PPA1: variants seen among roughly 807,000 people sequenced by gnomAD.
PPA1 encodes the protein inorganic pyrophosphatase 1.
PPA1 carries 23 observed loss-of-function variants against 41.8 expected under a neutral mutation model. That is an observed-to-expected ratio of 0.55 (90% CI 0.40 to 0.78). PPA1 has a LOEUF of 0.78. Among genes scored for constraint, PPA1 ranks in the 30% least tolerant of loss-of-function variants. PPA1 has a pLI of 0.00. For missense variants in PPA1, 320 were observed against 361.6 expected, an observed-to-expected ratio of 0.89 and a Z score of 0.93; for synonymous variants, 101 against 116.8, an observed-to-expected ratio of 0.86 and a Z score of 0.87.
chr10:70,230,721 A>T (rs146015200), intron 1 of PPA1, among the ~76,000 whole-genome samples: 1 of 152,144 alleles, frequency 6.6e-6, no homozygotes, highest in South Asian at 2.1e-4. Context: ...TGCCCACCTC[A>T]GCCTCCCAAA....
chr10:70,214,496 T>C lies in PPA1; in HGVS notation c.384+4A>G. The C allele has an allele frequency of 6.2e-7, 1 of 1,609,208 alleles. No individual in the cohort carries two copies. Among genetic ancestry groups the C allele is most frequent in the Non-Finnish European group, 8.5e-7 (1 of 1,177,090 alleles). On this transcript the variant is annotated splice_donor_region_variant and intron_variant, in intron 5 of 10. Coordinates refer to ENST00000373232, the MANE Select transcript of PPA1 (RefSeq NM_021129.4). ...CTAAAGAAAAAAATGTCACATTTCA[T>C]TACCTTGCTTCCAATTTCACACACA...
intron 2 of PPA1, among the ~76,000 whole-genome samples, chr10:70,228,610 T>G (rs1392240432): frequency 6.6e-6 from 1 of 152,068 alleles, no homozygotes; most frequent in African/African-American, 2.4e-5. Context: ...TCCCAGGAAA[T>G]CAGATGTAAC....
chr10:70,218,268 G>C (rs1490281582), intron 3 of PPA1, among the ~76,000 whole-genome samples: 1 of 152,078 alleles, frequency 6.6e-6, no homozygotes, highest in African/African-American at 2.4e-5. Flanking sequence ...TCCAATTTTA[G>C]TTTTCCTTCA....
chr10:70,232,984 C>T (rs1840305234), intron 1 of PPA1, among the ~76,000 whole-genome samples: 1 of 152,196 alleles, frequency 6.6e-6, no homozygotes, highest in Non-Finnish European at 1.5e-5. Context: ...CAGAGCCAGA[C>T]ACCTGCAAAA....
At chr10:70,224,118 T>C (rs991807269) in intron 2 of PPA1, among the ~76,000 whole-genome samples, 4 of 152,020 alleles carry the variant, frequency 2.6e-5, no homozygotes, top group African/African-American at 9.7e-5. Flanking sequence ...GAAATATAAC[T>C]GTCTATTTCA....
At chr10:70,224,991 A>T (rs951524942) in intron 2 of PPA1, among the ~76,000 whole-genome samples, 13 of 152,180 alleles carry the variant, frequency 8.5e-5, no homozygotes, top group African/African-American at 3.1e-4. Context: ...TTGGCCCCCC[A>T]AAGTGTTGGG....
chr10:70,210,098 C>A, intron 6 of PPA1: 1 of 262,250 alleles, frequency 3.8e-6, no homozygotes, highest in South Asian at 3.6e-5. Context: ...TTTTTTTTTT[C>A]AGAGACAAGG....
chr10:70,226,783 C>A (rs1480631877), intron 2 of PPA1, among the ~76,000 whole-genome samples: 6 of 152,056 alleles, frequency 3.9e-5, no homozygotes. Flanking sequence ...TGCATTTATG[C>A]CAAATTGCAG....
chr10:70,205,988 G>A lies in PPA1; in HGVS notation c.795+276C>T, dbSNP rs547218094. 7.9e-6 allele frequency: 3 copies of A among 381,720 alleles called. No homozygotes were observed. The East Asian group carries it at 1.3e-4, about 17-fold the overall frequency. 23.6% of individuals were successfully genotyped at this position (381,720 alleles called of 1,614,324 possible). ...CTTATGATGGGTCATAGGCACACAG[G>A]TTACTTGGTACATTCTGGAACCATT... On this transcript the variant is annotated intron_variant, in intron 9 of 10. Transcript: ENST00000373232.
chr10:70,218,716 T>G, intron 3 of PPA1, 48 bp downstream of exon 3: 1 of 1,462,176 alleles, frequency 6.8e-7, no homozygotes, highest in Non-Finnish European at 9.6e-7. Context: ...TGTGACTAGA[T>G]CAAAACCAAT....
Position 70,213,581 on chromosome 10 carries a change from T to G in PPA1, c.393A>C (p.Ala131=), listed in dbSNP as rs374646118. The change falls in exon 6 of 11, where the codon GCA becomes GCC. Residue 131 remains alanine, a synonymous_variant. Coordinates refer to ENST00000373232, the MANE Select transcript of PPA1 (RefSeq NM_021129.4). ...DVCEIGSKVC[A]RGEIIGVKVL... ...CTTTCACGCCAATTATTTCACCTCTTGCACATACCTGAGAGTCAATAGCCA... is the reference window on the plus strand; with the variant it reads ...CTTTCACGCCAATTATTTCACCTCTGGCACATACCTGAGAGTCAATAGCCA... 6.2e-7 allele frequency: 1 copy of G among 1,613,848 alleles called. No individual in the cohort carries two copies.
intron 5 of PPA1, 69 bp downstream of exon 5, chr10:70,214,431 T>C (rs369794090): frequency 4.7e-6 from 6 of 1,272,506 alleles, no homozygotes; most frequent in East Asian, 2.3e-5. Context: ...CAGTATTTTT[T>C]AAAGTATGAA....
rs1312148903 is a variant in PPA1 at position 70,220,787 on chromosome 10, T to TTA, written c.124-1972_124-1971dup. Among the ~76,000 whole-genome samples, 29 of 8,832 alleles carry TTA rather than the reference T, an allele frequency of 3.3e-3. 6 individuals carry two copies. Among genetic ancestry groups the TTA allele is most frequent in the African/African-American group, 0.013 (26 of 2,034 alleles). 5.8% of individuals were successfully genotyped at this position (8,832 alleles called of 152,430 possible). ...TTTATATATATATAATATATATAAT[T>TTA]TATATATATATAATATATATAATTT... On this transcript the variant is annotated intron_variant, in intron 2 of 10. Coordinates refer to ENST00000373232, the MANE Select transcript of PPA1 (RefSeq NM_021129.4).
chr10:70,220,809 AT>A lies in PPA1; in HGVS notation c.124-1993del, dbSNP rs1374839653. On this transcript the variant is annotated intron_variant, in intron 2 of 10. Transcript: ENST00000373232. ...AATTTATATATATATAATATATATA[AT>A]TTTTATATATATTATATATATAATT... is the stretch of plus-strand genomic sequence containing the variant. 1.5e-4 allele frequency among the ~76,000 whole-genome samples: 5 copies of A among 34,382 alleles called. 1 individual carries two copies. Among genetic ancestry groups the A allele is most frequent in the African/African-American group, 7.4e-4 (5 of 6,766 alleles). The allele number at this position is 34,382 out of a possible 152,430, so 22.6% of individuals were successfully genotyped here.
At chr10:70,230,469 T>A in intron 1 of PPA1, 70 bp from the exon 2 acceptor site, 1 of 1,459,546 alleles carries the variant, frequency 6.9e-7, no homozygotes, top group Non-Finnish European at 9.3e-7. Context: ...GTACACATTT[T>A]TTTTTTCTGA....
chr10:70,221,068 A>AT lies in PPA1; in HGVS notation c.124-2252dup, dbSNP rs1554830633. Among the ~76,000 whole-genome samples, 7 of 16,072 alleles carry AT rather than the reference A, an allele frequency of 4.4e-4. No homozygotes were observed. The East Asian group carries it at 9.1e-3, about 21-fold the overall frequency. The allele number at this position is 16,072 out of a possible 152,430, so 10.5% of individuals were successfully genotyped here. A position where few individuals can be genotyped will look rare whatever the true frequency, so the allele number is the denominator to read the frequency against. ...ATATATATATATAATTTATATATAT[A>AT]TATATATATTTTTTTTTTTTTTTTT... is the stretch of plus-strand genomic sequence containing the variant. On this transcript the variant is annotated intron_variant, in intron 2 of 10. Coordinates refer to ENST00000373232, the MANE Select transcript of PPA1 (RefSeq NM_021129.4).
intron 9 of PPA1, 44 bp downstream of exon 9, chr10:70,206,220 T>A: frequency 2.0e-6 from 3 of 1,478,522 alleles, no homozygotes; most frequent in Non-Finnish European, 2.8e-6. Context: ...ATCATAGTTT[T>A]TAGCAACCAG....
At chr10:70,226,260 A>T (rs1840229376) in intron 2 of PPA1, among the ~76,000 whole-genome samples, 1 of 151,920 alleles carries the variant, frequency 6.6e-6, no homozygotes, top group Non-Finnish European at 1.5e-5. Flanking sequence ...GCAATAACTT[A>T]ATTTGTCATG....
chr10:70,228,118 G>A (rs558826800), intron 2 of PPA1, among the ~76,000 whole-genome samples: 13 of 152,318 alleles, frequency 8.5e-5, no homozygotes, highest in East Asian at 1.9e-4. Flanking sequence ...AAAATCCAGA[G>A]TCATAAGAAC....
Sources: gnomAD v4.1 joint callset for allele counts (sites outside exome capture counted in the v4.1 genomes callset) on GRCh38, gnomAD v4.1.1 for gene constraint, MANE v1.5 for transcripts, NCBI Gene and HGNC (gene_info 2026-07-23, HGNC 2026-07-21) for gene names.